Variants in SH3BGRL observed in about 807,000 individuals in gnomAD.
SH3BGRL encodes the protein SH3 domain binding glutamate rich protein like.
Under a neutral mutation model 9.8 loss-of-function variants are expected in SH3BGRL, and 7 were observed. The ratio of observed to expected loss-of-function variants is 0.72; its 90% CI spans 0.41 to 1.35. The LOEUF (loss-of-function observed/expected upper bound fraction) is 1.35. Among genes scored for constraint, SH3BGRL ranks in the 40% most tolerant of loss-of-function variants. The probability of loss-of-function intolerance (pLI) is 0.01; values close to 1 mark genes in which losing one functional copy is unlikely to be tolerated. For missense variants in SH3BGRL, 73 were observed against 84.4 expected, an observed-to-expected ratio of 0.86 and a Z score of 0.53; for synonymous variants, 36 against 29.1, an observed-to-expected ratio of 1.24 and a Z score of -0.76.
At chrX:81,226,740 A>G (rs1271146164) in intron 1 of SH3BGRL, among the ~76,000 whole-genome samples, 2 of 109,348 alleles carry the variant, frequency 1.8e-5, no homozygotes, top group Non-Finnish European at 3.8e-5. Context: ...GATGTAAACA[A>G]GAGGTTGGAG....
chrX:81,297,781 T>C lies in SH3BGRL; in HGVS notation c.*554T>C, dbSNP rs1463330316. 1 of 112,395 alleles carries C rather than the reference T, an allele frequency of 8.9e-6. No individual in the cohort carries two copies. Among genetic ancestry groups the C allele is most frequent in the African/African-American group, 3.2e-5 (1 of 30,978 alleles). The allele number at this position is 112,395 out of a possible 1,213,427, so 9.3% of individuals were successfully genotyped here. On this transcript the variant is annotated 3_prime_UTR_variant, in exon 4 of 4. Transcript: ENST00000373212. ...TTTTGTAGATGAAACTTCTACATAT[T>C]GAACCACAGATTTTCTGAGCTTCTA...
intron 1 of SH3BGRL, among the ~76,000 whole-genome samples, chrX:81,210,011 A>G (rs1219006352): frequency 1.8e-5 from 2 of 111,577 alleles, no homozygotes; most frequent in Non-Finnish European, 3.8e-5. Flanking sequence ...CCAGGAAGGC[A>G]GTACTGCTAT....
chrX:81,265,958 C>T (rs986502557), intron 1 of SH3BGRL, among the ~76,000 whole-genome samples: 1 of 112,353 alleles, frequency 8.9e-6, no homozygotes, highest in Non-Finnish European at 1.9e-5. Flanking sequence ...TGATGATGAA[C>T]ATTTTTTCAT....
chrX:81,277,716 A>G (rs2075802807), intron 2 of SH3BGRL, among the ~76,000 whole-genome samples: 2 of 112,296 alleles, frequency 1.8e-5, no homozygotes, highest in South Asian at 7.3e-4. Flanking sequence ...TTACTGGGAA[A>G]TAGGTGGCTG....
intron 1 of SH3BGRL, among the ~76,000 whole-genome samples, chrX:81,254,896 T>G (rs1258030613): frequency 9.3e-6 from 1 of 107,598 alleles, no homozygotes; most frequent in East Asian, 2.9e-4. Flanking sequence ...CTTAAGTTTT[T>G]TTTTTTTTTT....
intron 1 of SH3BGRL, among the ~76,000 whole-genome samples, chrX:81,242,924 A>G (rs1244035571): frequency 8.9e-6 from 1 of 112,033 alleles, no homozygotes; most frequent in Non-Finnish European, 1.9e-5. Context: ...GGGAACCCCC[A>G]TACACTGTTG....
chrX:81,282,662 TG>T (rs1375653943), intron 3 of SH3BGRL, among the ~76,000 whole-genome samples: 1 of 111,604 alleles, frequency 9.0e-6, no homozygotes, highest in Non-Finnish European at 1.9e-5. Flanking sequence ...TCAAAACCTC[TG>T]GGATACAGCA....
At position 81,277,062 on chromosome X, in the gene SH3BGRL, A is replaced by T; in HGVS notation, c.124A>T (p.Asn42Tyr). 1 of 1,207,498 alleles carries T rather than the reference A, an allele frequency of 8.3e-7. No individual in the cohort carries two copies. Among genetic ancestry groups the T allele is most frequent in the African/African-American group, 1.7e-5 (1 of 57,671 alleles). The change falls in exon 2 of 4, where the codon AAT becomes TAT. Residue 42 changes from asparagine (N) to tyrosine (Y), a missense_variant. By Grantham distance (143) the Asn-to-Tyr change is moderately radical (BLOSUM62 -2). Transcript: ENST00000373212. ...ATTTGAAGAAAAAGATATTGCAGCC[A>T]ATGAAGAGAATCGGAAGTGGATGAG... Reference protein sequence around the residue: ...IGFEEKDIAANEENRKWMREN... With the variant: ...IGFEEKDIAAYEENRKWMREN...
intron 1 of SH3BGRL, among the ~76,000 whole-genome samples, chrX:81,246,973 C>T (rs929341327): frequency 9.0e-6 from 1 of 111,648 alleles, no homozygotes; most frequent in East Asian, 2.8e-4. Flanking sequence ...TTTGTGTTGT[C>T]TTTGATTTCT....
chrX:81,223,628 T>C (rs1223397378), intron 1 of SH3BGRL, among the ~76,000 whole-genome samples: 1 of 111,207 alleles, frequency 9.0e-6, no homozygotes, highest in African/African-American at 3.3e-5. Flanking sequence ...TGTAAGATCA[T>C]GTGATAAGGG....
intron 1 of SH3BGRL, among the ~76,000 whole-genome samples, chrX:81,235,474 G>T (rs1031648391): frequency 1.3e-4 from 14 of 110,396 alleles, no homozygotes; most frequent in African/African-American, 4.6e-4. Context: ...AAAGTAGAAC[G>T]TAAGAAAGGG....
At chrX:81,243,301 T>C (rs113251561) in intron 1 of SH3BGRL, among the ~76,000 whole-genome samples, 3 of 112,190 alleles carry the variant, frequency 2.7e-5, no homozygotes, top group Non-Finnish European at 5.6e-5. Context: ...GCAAATGCCA[T>C]GTGTTCTCAT....
chrX:81,218,649 A>G (rs1355660241), intron 1 of SH3BGRL, among the ~76,000 whole-genome samples: 1 of 105,137 alleles, frequency 9.5e-6, no homozygotes, highest in African/African-American at 3.4e-5. Context: ...ATCTATATCT[A>G]TATCTATATA....
At chrX:81,251,131 G>A (rs2075708865) in intron 1 of SH3BGRL, among the ~76,000 whole-genome samples, 1 of 111,623 alleles carries the variant, frequency 9.0e-6, no homozygotes. Flanking sequence ...AATCTGAGAC[G>A]TTTTATGAAA....
chrX:81,276,616 T>G (rs189407236), intron 1 of SH3BGRL, among the ~76,000 whole-genome samples: 77 of 111,322 alleles, frequency 6.9e-4, no homozygotes, highest in Non-Finnish European at 1.2e-3. Flanking sequence ...AAAACTTTCT[T>G]GAAAGGCTGA....
At chrX:81,224,982 A>T (rs190952942) in intron 1 of SH3BGRL, among the ~76,000 whole-genome samples, 1 of 110,758 alleles carries the variant, frequency 9.0e-6, no homozygotes, top group Non-Finnish European at 1.9e-5. Context: ...TTTTCTAAAA[A>T]AAAGGTGATG....
chrX:81,227,342 A>G (rs1368933889), intron 1 of SH3BGRL, among the ~76,000 whole-genome samples: 3 of 112,077 alleles, frequency 2.7e-5, no homozygotes, highest in African/African-American at 9.7e-5. Flanking sequence ...TTAGTTTCCT[A>G]TTTAACAGTT....
intron 3 of SH3BGRL, among the ~76,000 whole-genome samples, chrX:81,294,627 G>A (rs191730017): frequency 1.2e-3 from 134 of 111,299 alleles, no homozygotes; most frequent in African/African-American, 4.2e-3. Context: ...ATGTGGAGTT[G>A]GAGCCCCCAC....
Position 81,277,102 on chromosome X carries a change from A to C in SH3BGRL, c.164A>C (p.Glu55Ala), listed in dbSNP as rs1186049542. The C allele has an allele frequency of 8.3e-7, 1 of 1,208,601 alleles. No homozygotes were observed. The highest frequency in any genetic ancestry group is 2.2e-5 in the Admixed American group (1 of 45,508). ...AAGTGGATGAGAGAAAATGTACCTG[A>C]AAATAGTCGACCAGCCACAGGTTAC... ...NRKWMRENVPENSRPATGYPL... is the reference protein window; with the variant it reads ...NRKWMRENVPANSRPATGYPL... Residue 55 changes from glutamate to alanine, a missense_variant, in exon 2 of 4, where the codon GAA (glutamate) becomes GCA (alanine). Physicochemically the swap from Glu to Ala is moderately radical, Grantham distance 107 (BLOSUM62 -1). Coordinates refer to ENST00000373212, the MANE Select transcript of SH3BGRL (RefSeq NM_003022.3).
Sources: gnomAD v4.1 joint callset for allele counts (sites outside exome capture counted in the v4.1 genomes callset) on GRCh38, gnomAD v4.1.1 for gene constraint, MANE v1.5 for transcripts, NCBI Gene and HGNC (gene_info 2026-07-23, HGNC 2026-07-21) for gene names.